Variants in LDB1 observed in about 807,000 individuals in gnomAD.
The protein encoded by LDB1 is LIM domain-binding protein 1.
Under a neutral mutation model 49.7 loss-of-function variants are expected in LDB1, and 6 were observed. The observed-to-expected ratio is 0.12, with a 90% CI of 0.07 to 0.24. The LOEUF (loss-of-function observed/expected upper bound fraction) is 0.24. LDB1 is among the 10% of genes least tolerant of loss of function. The pLI, the probability that LDB1 is intolerant of heterozygous loss-of-function variation, is 1.00. For missense variants in LDB1, 341 were observed against 561.7 expected (o/e 0.61, Z 3.97); for synonymous variants, 233 against 202.0 (o/e 1.15, Z -1.30).
In LDB1 at chr10:102,107,953, A is replaced by C. The variant is rs1293314569; in HGVS notation, c.*140T>G. The C allele has an allele frequency of 2.6e-6, 2 of 755,116 alleles. No individual in the cohort carries two copies. Among genetic ancestry groups the C allele is most frequent in the Admixed American group, 4.3e-5 (2 of 46,290 alleles). 46.8% of individuals were successfully genotyped at this position (755,116 alleles called of 1,614,324 possible). On this transcript the variant is annotated 3_prime_UTR_variant, in exon 11 of 11. Coordinates refer to ENST00000673968, the MANE Select transcript of LDB1 (RefSeq NM_001113407.3). ...GGCAAATCTTGGCACCTGCCCCCAG[A>C]GAGTCCAGTTCCTCCCTGAAGCGGG...
At chr10:102,114,812 G>GGGGGCCCCCCC in intron 1 of LDB1, 213 of 929,632 alleles carry the variant, frequency 2.3e-4, no homozygotes, top group Non-Finnish European at 2.5e-4. Flanking sequence ...CCTCCGAGCA[G>GGGGGCCCCCCC]CCCGCCCGCC....
chr10:102,121,183 A>G (rs2068415428), upstream of LDB1, among the ~76,000 whole-genome samples: 2 of 151,910 alleles, frequency 1.3e-5, no homozygotes, highest in African/African-American at 4.8e-5. Flanking sequence ...TGGATTACGG[A>G]GGGGCGATAG....
rs1399276230 is a variant in LDB1, at chr10:102,116,473, G to A, written c.25+3613C>T. 3.9e-5 allele frequency among the ~76,000 whole-genome samples: 6 copies of A among 152,074 alleles called. No homozygotes were observed. The South Asian group carries it at 8.3e-4, about 21-fold the overall frequency. The stretch of plus-strand genomic sequence containing the variant: ...TAGTATTACAGATGTGAGCCACCGC[G>A]TCTGGCCATCAACCTGTGATATATC... On this transcript the variant is annotated intron_variant, in intron 1 of 10. Transcript: ENST00000673968.
chr10:102,104,433 G>A, downstream of LDB1, among the ~76,000 whole-genome samples: 1 of 152,022 alleles, frequency 6.6e-6, no homozygotes, highest in East Asian at 1.9e-4. Flanking sequence ...GCAGCACAAA[G>A]CTCTTCAGCA....
rs748837507 is a variant in LDB1 at position 102,108,003 on chromosome 10, T to C, written c.*90A>G. ...GTGGATGGAGGCTGCCCATTTTAGA[T>C]GCTCAGTCTCTTCATTCTGTCTTCT... is the stretch of plus-strand genomic sequence containing the variant. On this transcript the variant is annotated 3_prime_UTR_variant, in exon 11 of 11. Coordinates refer to ENST00000673968, the MANE Select transcript of LDB1 (RefSeq NM_001113407.3). The C allele has an allele frequency of 9.7e-7, 1 of 1,032,352 alleles. No individual in the cohort carries two copies. The highest frequency in any genetic ancestry group is 1.4e-5 in the South Asian group (1 of 73,458). The allele number at this position is 1,032,352 out of a possible 1,614,324, so 63.9% of individuals were successfully genotyped here.
Position 102,107,932 on chromosome 10 carries a change from A to C in LDB1, c.*161T>G. The C allele has an allele frequency of 1.4e-6, 1 of 691,862 alleles. No homozygotes were observed. The highest frequency in any genetic ancestry group is 2.5e-5 in the East Asian group (1 of 39,580). 42.9% of individuals were successfully genotyped at this position (691,862 alleles called of 1,614,324 possible). A position where few individuals can be genotyped will look rare whatever the true frequency, so the allele number is the denominator to read the frequency against. ...CCAGCCCAGGGCCACTGGGGGGGCA[A>C]ATCTTGGCACCTGCCCCCAGAGAGT... On this transcript the variant is annotated 3_prime_UTR_variant, in exon 11 of 11. Transcript: ENST00000673968.
downstream of LDB1, among the ~76,000 whole-genome samples, chr10:102,104,090 C>T (rs569686190): frequency 6.6e-6 from 1 of 151,260 alleles, no homozygotes; most frequent in South Asian, 2.1e-4. Flanking sequence ...TCAGGCTGGA[C>T]TGGGCTAAGG....
At chr10:102,111,611 G>A (rs1314157577) in intron 1 of LDB1, 75 bp from the exon 2 acceptor site, 3 of 828,304 alleles carry the variant, frequency 3.6e-6, no homozygotes, top group Non-Finnish European at 5.6e-6. Context: ...GGAGTCCAAG[G>A]CAAGAAGATT....
In LDB1 at chr10:102,109,968, T is replaced by C; in HGVS notation, c.601A>G (p.Ile201Val). The C allele has an allele frequency of 6.2e-7, 1 of 1,611,456 alleles. No homozygotes were observed. The highest frequency in any genetic ancestry group is 8.5e-7 in the Non-Finnish European group (1 of 1,179,586). The change falls in exon 7 of 11, where the codon ATC (isoleucine) becomes GTC (valine). Residue 201 changes from isoleucine (I) to valine (V), a missense_variant. Around this residue, in one of 5 missense-constraint regions of LDB1, gnomAD observed 233 missense variants for 385.7 expected, o/e 0.60. Transcript: ENST00000673968. The surrounding 1 kb of genome is among the most constrained non-coding windows in gnomAD (Gnocchi z 5.8). ...GGGATGAGCTCTCGGTGCTGCCGGATGCTGAAGTGCCACGTCTTTATCCGC... is the reference window on the plus strand; with the variant it reads ...GGGATGAGCTCTCGGTGCTGCCGGACGCTGAAGTGCCACGTCTTTATCCGC... ...MMRIKTWHFS[I>V]RQHRELIPRS... is the part of the protein sequence containing the mutation.
chr10:102,114,812 G>GGGGGCGCCCCCCCCCCC, intron 1 of LDB1: 1 of 929,818 alleles, frequency 1.1e-6, no homozygotes, highest in Non-Finnish European at 1.3e-6. Context: ...CCTCCGAGCA[G>GGGGGCGCCCCCCCCCCC]CCCGCCCGCC....
At chr10:102,105,229 T>C (rs1590275892), downstream of LDB1, among the ~76,000 whole-genome samples, 1 of 152,140 alleles carries the variant, frequency 6.6e-6, no homozygotes, top group East Asian at 1.9e-4. Flanking sequence ...GTAAATGTCC[T>C]TCAGGCTGGC....
chr10:102,112,816 T>A (rs1446572510), intron 1 of LDB1, among the ~76,000 whole-genome samples: 1 of 152,214 alleles, frequency 6.6e-6, no homozygotes, highest in African/African-American at 2.4e-5. Flanking sequence ...CACTAGTGTG[T>A]ATCTGTGATG....
chr10:102,118,488 A>G (rs1433616375), intron 1 of LDB1, among the ~76,000 whole-genome samples: 1 of 152,186 alleles, frequency 6.6e-6, no homozygotes, highest in Non-Finnish European at 1.5e-5. Flanking sequence ...ACTAAGAAGA[A>G]GAGATTTTCT....
rs1291481814 is a variant in LDB1, at chr10:102,117,560, T to G, written c.25+2526A>C. Among the ~76,000 whole-genome samples the G allele has an allele frequency of 6.6e-6, 1 of 152,124 alleles. No homozygotes were observed. Among genetic ancestry groups the G allele is most frequent in the Non-Finnish European group, 1.5e-5 (1 of 68,000 alleles). On this transcript the variant is annotated intron_variant, in intron 1 of 10. Transcript: ENST00000673968. The surrounding 1 kb of genome is among the most constrained non-coding windows in gnomAD (Gnocchi z 4.2). ...CCCTGCCCGGGCCCCTGGGGCTCCC[T>G]GACCCAGGCCTCCAGTGTGCCTGCC...
At chr10:102,103,905 T>C (rs1203724467), downstream of LDB1, among the ~76,000 whole-genome samples, 2 of 151,528 alleles carry the variant, frequency 1.3e-5, no homozygotes, top group African/African-American at 4.9e-5. Flanking sequence ...CTACTAAAAA[T>C]AAAAAATAAA....
downstream of LDB1, among the ~76,000 whole-genome samples, chr10:102,105,787 C>A (rs2068152893): frequency 2.0e-5 from 3 of 147,704 alleles, no homozygotes; most frequent in South Asian, 6.5e-4. Context: ...CATGGTGAAA[C>A]CCTATCTCTA....
At position 102,106,865 on chromosome 10, in the gene LDB1, G is replaced by T. The variant is rs2133495397; in HGVS notation, c.*1228C>A. Among the ~76,000 whole-genome samples, 1 of 152,214 alleles carries T rather than the reference G, an allele frequency of 6.6e-6. No homozygotes were observed. Among genetic ancestry groups the T allele is most frequent in the African/African-American group, 2.4e-5 (1 of 41,522 alleles). On this transcript the variant is annotated 3_prime_UTR_variant, in exon 11 of 11. Coordinates refer to ENST00000673968, the MANE Select transcript of LDB1 (RefSeq NM_001113407.3). The stretch of plus-strand genomic sequence containing the variant: ...CGGCTGCCTCCTCCTCCTTCCTTCT[G>T]TGAGGAAGGAGCGGCAGGGGATACT...
intron 1 of LDB1, among the ~76,000 whole-genome samples, chr10:102,119,667 A>G (rs1274365364): frequency 6.8e-6 from 1 of 147,286 alleles, no homozygotes; most frequent in Non-Finnish European, 1.5e-5. Flanking sequence ...GGGGGATGTC[A>G]CAGGATAGGT....
Position 102,106,877 on chromosome 10 carries a change from C to T in LDB1, c.*1216G>A, listed in dbSNP as rs554754877. ...CCTCCTTCCTTCTGTGAGGAAGGAG[C>T]GGCAGGGGATACTGGCAGGTGAAGA... On this transcript the variant is annotated 3_prime_UTR_variant, in exon 11 of 11. Transcript: ENST00000673968. Among the ~76,000 whole-genome samples the T allele has an allele frequency of 6.4e-4, 98 of 152,222 alleles. No homozygotes were observed. The highest frequency in any genetic ancestry group is 4.3e-3 in the East Asian group (22 of 5,164).
Sources: gnomAD v4.1 joint callset for allele counts (sites outside exome capture counted in the v4.1 genomes callset) on GRCh38, gnomAD v4.1.1 for gene constraint, gnomAD v4.1.1 regional missense constraint, Gnocchi (gnomAD v3.1) non-coding constraint, MANE v1.5 for transcripts, NCBI Gene and HGNC (gene_info 2026-07-23, HGNC 2026-07-21) for gene names.